The following MAMLD1 variants were observed in gnomAD, a reference collection of about 807,000 sequenced individuals.
MAMLD1 encodes mastermind-like domain-containing protein 1.
A neutral mutation model predicts 45.0 loss-of-function variants in MAMLD1; 14 were observed. That is an observed-to-expected ratio of 0.31 (90% CI 0.21 to 0.49). The LOEUF is 0.49. MAMLD1 is among the 20% of genes least tolerant of loss of function. The pLI, the probability that MAMLD1 is intolerant of heterozygous loss-of-function variation, is 0.99. For missense variants in MAMLD1, 543 were observed against 603.6 expected (o/e 0.90, Z 1.05); for synonymous variants, 254 against 247.8 (o/e 1.02, Z -0.24).
In MAMLD1 at chrX:150,408,903, C is replaced by T. The variant is rs183050300; in HGVS notation, c.-63-36551C>T. Among the ~76,000 whole-genome samples, 311 of 111,714 alleles carry T rather than the reference C, an allele frequency of 2.8e-3. 3 individuals are homozygous for T. Among genetic ancestry groups the T allele is most frequent in the African/African-American group, 9.8e-3 (300 of 30,737 alleles). On this transcript the variant is annotated intron_variant, in intron 1 of 7. Coordinates refer to ENST00000370401, the MANE Select transcript of MAMLD1 (RefSeq NM_005491.5). ...TCCATCTGTTAAGTATGCTAACACACAATGGAGAAAGGAAATAAGATAGGG... is the reference window on the plus strand; with the variant it reads ...TCCATCTGTTAAGTATGCTAACACATAATGGAGAAAGGAAATAAGATAGGG...
At chrX:150,507,587 G>T in intron 6 of MAMLD1, among the ~76,000 whole-genome samples, 1 of 112,171 alleles carries the variant, frequency 8.9e-6, no homozygotes, top group Non-Finnish European at 1.9e-5. Flanking sequence ...AGATCCTGCA[G>T]AGCTGGCCAC....
chrX:150,468,942 C>T (rs1423124835), intron 3 of MAMLD1, among the ~76,000 whole-genome samples: 1 of 107,495 alleles, frequency 9.3e-6, no homozygotes, highest in Non-Finnish European at 1.9e-5. Flanking sequence ...ATAGGTTCTT[C>T]CAAATTATTT....
intron 5 of MAMLD1, among the ~76,000 whole-genome samples, chrX:150,500,393 G>A (rs1324513986): frequency 1.8e-5 from 2 of 111,065 alleles, no homozygotes; most frequent in Non-Finnish European, 3.8e-5. Context: ...TGCTGAGAGG[G>A]TGGATGTGCT....
chrX:150,403,940 A>AAAAGAAAGAAAGAAG (rs1557402562), intron 1 of MAMLD1, among the ~76,000 whole-genome samples: 7 of 58,882 alleles, frequency 1.2e-4, no homozygotes, highest in African/African-American at 4.5e-4. Context: ...AGAAAGAAAG[A>AAAAGAAAGAAAGAAG]AAAGAAAGAA....
chrX:150,509,052 T>C (rs1223959709), intron 6 of MAMLD1, among the ~76,000 whole-genome samples: 1 of 111,397 alleles, frequency 9.0e-6, no homozygotes, highest in East Asian at 2.8e-4. Flanking sequence ...TCCCCTTTGC[T>C]CCTTGAGCCG....
At chrX:150,444,970 C>G (rs1303274779) in intron 1 of MAMLD1, among the ~76,000 whole-genome samples, 3 of 111,695 alleles carry the variant, frequency 2.7e-5, no homozygotes, top group Non-Finnish European at 5.6e-5. Flanking sequence ...CAGTTGGTGG[C>G]TGCTTCTTCT....
chrX:150,507,648 T>C (rs2037770571), intron 6 of MAMLD1, among the ~76,000 whole-genome samples: 1 of 111,970 alleles, frequency 8.9e-6, no homozygotes, highest in African/African-American at 3.3e-5. Flanking sequence ...GCAGTTTCCA[T>C]AGTGATAGGC....
chrX:150,375,820 T>C (rs782207551), intron 1 of MAMLD1, among the ~76,000 whole-genome samples: 178 of 111,834 alleles, frequency 1.6e-3, no homozygotes, highest in African/African-American at 5.5e-3. Context: ...ATCGTGCAAG[T>C]CAGTTGAAAG....
chrX:150,446,638 A>C (rs2035496563), intron 2 of MAMLD1, among the ~76,000 whole-genome samples: 1 of 112,591 alleles, frequency 8.9e-6, no homozygotes, highest in Non-Finnish European at 1.9e-5. Context: ...GACATTTACA[A>C]AACTGTTTAC....
At chrX:150,421,506 T>G (rs2034514062) in intron 1 of MAMLD1, among the ~76,000 whole-genome samples, 1 of 112,388 alleles carries the variant, frequency 8.9e-6, no homozygotes, top group African/African-American at 3.2e-5. Context: ...CTTAACTCAC[T>G]GCTACTTTTG....
chrX:150,475,886 T>G (rs1254864423), intron 5 of MAMLD1, among the ~76,000 whole-genome samples: 1 of 112,299 alleles, frequency 8.9e-6, no homozygotes, highest in Non-Finnish European at 1.9e-5. Flanking sequence ...CGGGGCCTGA[T>G]GAATTTCCAA....
intron 1 of MAMLD1, among the ~76,000 whole-genome samples, chrX:150,405,754 C>T (rs782330460): frequency 1.8e-5 from 2 of 111,507 alleles, no homozygotes; most frequent in Non-Finnish European, 3.8e-5. Flanking sequence ...GTAGACGAGG[C>T]TTAATATCAG....
chrX:150,466,543 C>A (rs1355258460), intron 3 of MAMLD1, among the ~76,000 whole-genome samples: 1 of 112,183 alleles, frequency 8.9e-6, no homozygotes, highest in African/African-American at 3.2e-5. Context: ...TATTAGGCAT[C>A]CTTATGAAAG....
chrX:150,398,287 G>GAAC (rs1203866626), intron 1 of MAMLD1, among the ~76,000 whole-genome samples: 3 of 80,417 alleles, frequency 3.7e-5, no homozygotes, highest in African/African-American at 1.5e-4. Context: ...AGAAGAAGAA[G>GAAC]AAGAAGAAGA....
chrX:150,422,783 A>G (rs1377908170), intron 1 of MAMLD1, among the ~76,000 whole-genome samples: 1 of 111,800 alleles, frequency 8.9e-6, no homozygotes, highest in Non-Finnish European at 1.9e-5. Flanking sequence ...AAGCTTTGCT[A>G]TAAAAAAGGA....
At chrX:150,445,712 G>T (rs1602835966) in intron 2 of MAMLD1, 100 bp downstream of exon 2, 2 of 621,412 alleles carry the variant, frequency 3.2e-6, no homozygotes, top group Non-Finnish European at 5.2e-6. Flanking sequence ...AAACTTGGTG[G>T]CAGGGATCCA....
At chrX:150,441,849 T>A (rs1470052024) in intron 1 of MAMLD1, among the ~76,000 whole-genome samples, 4 of 111,597 alleles carry the variant, frequency 3.6e-5, no homozygotes, top group African/African-American at 1.3e-4. Context: ...TTCTGTGTAG[T>A]TGTTCTATCA....
rs2148371990 is a variant in MAMLD1 at position 150,512,392 on chromosome X, G to T, written c.*433G>T. 2 of 1,146,070 alleles carry T rather than the reference G, an allele frequency of 1.7e-6. No homozygotes were observed. Among genetic ancestry groups the T allele is most frequent in the Non-Finnish European group, 1.2e-6 (1 of 865,825 alleles). The allele number at this position is 1,146,070 out of a possible 1,213,427, so 94.4% of individuals were successfully genotyped here. A position where few individuals can be genotyped will look rare whatever the true frequency, so the allele number is the denominator to read the frequency against. On this transcript the variant is annotated 3_prime_UTR_variant, in exon 8 of 8. Transcript: ENST00000370401. ...TCAGACGGCCTAGTGTGCCAAGAAT[G>T]CCCACTGCGTTCAACAATGCTGCAT...
chrX:150,364,296 G>T (rs1321914269), intron 1 of MAMLD1, among the ~76,000 whole-genome samples: 1 of 113,247 alleles, frequency 8.8e-6, no homozygotes, highest in African/African-American at 3.2e-5. Flanking sequence ...GGCTTGGCCA[G>T]GCTCCGTCCC....
Sources: allele counts gnomAD v4.1 joint callset (sites outside exome capture counted in the v4.1 genomes callset), GRCh38; gene constraint gnomAD v4.1.1; transcripts MANE v1.5; gene names NCBI Gene and HGNC (gene_info 2026-07-23, HGNC 2026-07-21).